The following SLC35F5 variants were observed in gnomAD, a reference collection of about 807,000 sequenced individuals.
The protein encoded by SLC35F5 is solute carrier family 35 member F5.
SLC35F5 carries 54 observed loss-of-function variants against 68.6 expected under a neutral mutation model. The observed-to-expected ratio is 0.79, with a 90% CI of 0.63 to 0.99. The LOEUF (loss-of-function observed/expected upper bound fraction) is 0.99, where lower values mean the gene tolerates loss of function less well. SLC35F5 is among the 50% of genes least tolerant of loss of function. The pLI is 0.00. For synonymous variants in SLC35F5, 211 were observed against 205.2 expected, an observed-to-expected ratio of 1.03 and a Z score of -0.24; for missense variants, 567 against 626.9, an observed-to-expected ratio of 0.90 and a Z score of 1.02.
intron 1 of SLC35F5, chr2:113,756,065 T>A: frequency 1.4e-6 from 2 of 1,459,934 alleles, no homozygotes. Flanking sequence ...AAACATCCAG[T>A]CATTTTAAAA....
chr2:113,743,787 G>T lies in SLC35F5; in HGVS notation c.488C>A (p.Pro163His). ...ATGGAATTTCACAGGCACATACAGAGGTTCACTCTGGAATGTAACAGAAAA... is the reference window on the plus strand; with the variant it reads ...ATGGAATTTCACAGGCACATACAGATGTTCACTCTGGAATGTAACAGAAAA... ...DTTMNSSLSE[P>H]LYVPVKFHDL... Residue 163 changes from proline to histidine, a missense_variant, in exon 6 of 16, where the codon CCT becomes CAT. Pro to His is a moderately conservative substitution (Grantham distance 77). Transcript: ENST00000245680. 6.2e-7 allele frequency: 1 copy of T among 1,601,012 alleles called. No individual in the cohort carries two copies.
chr2:113,752,453 T>C (rs1676783079), intron 3 of SLC35F5, among the ~76,000 whole-genome samples: 1 of 152,210 alleles, frequency 6.6e-6, no homozygotes, highest in South Asian at 2.1e-4. Flanking sequence ...ATGTATGTCA[T>C]GCTGGAATGT....
rs1173600391 is a variant in SLC35F5 at position 113,733,935 on chromosome 2, A to T, written c.920+651T>A. ...ATAAAATAAGTTTTATTAAACCAAC[A>T]CATCTTTTTTCAATACTGTCTATGG... On this transcript the variant is annotated intron_variant, in intron 9 of 15. Coordinates refer to ENST00000245680, the MANE Select transcript of SLC35F5 (RefSeq NM_025181.5). Among the ~76,000 whole-genome samples the T allele has an allele frequency of 2.6e-5, 4 of 152,232 alleles. No individual in the cohort carries two copies. The East Asian group carries it at 7.7e-4, about 29-fold the overall frequency.
intron 5 of SLC35F5, among the ~76,000 whole-genome samples, chr2:113,745,513 G>A (rs1000509265): frequency 3.3e-5 from 5 of 152,088 alleles, no homozygotes; most frequent in South Asian, 2.1e-4. Context: ...GCAAGACCAT[G>A]TTCCTAAAAA....
intron 3 of SLC35F5, among the ~76,000 whole-genome samples, chr2:113,753,626 A>G (rs1398825576): frequency 6.6e-6 from 1 of 152,198 alleles, no homozygotes; most frequent in East Asian, 1.9e-4. Flanking sequence ...CAGTTTCATC[A>G]AAGTACAACT....
At chr2:113,739,193 G>A (rs1036231001) in intron 7 of SLC35F5, among the ~76,000 whole-genome samples, 9 of 151,172 alleles carry the variant, frequency 6.0e-5, no homozygotes, top group Non-Finnish European at 1.3e-4. Context: ...AAAATCCAAA[G>A]ATGCTCAAGT....
chr2:113,704,662 A>G (rs1686763185), downstream of SLC35F5, among the ~76,000 whole-genome samples: 1 of 151,464 alleles, frequency 6.6e-6, no homozygotes, highest in Non-Finnish European at 1.5e-5. Context: ...TAAGCCCCTC[A>G]TTGCCCGGGG....
chr2:113,751,594 G>C (rs528257071), intron 3 of SLC35F5, among the ~76,000 whole-genome samples: 2 of 152,030 alleles, frequency 1.3e-5, no homozygotes, highest in South Asian at 4.1e-4. Flanking sequence ...TGGATCACTT[G>C]AAGTCAGGAG....
chr2:113,739,189 CA>C (rs952534376), intron 7 of SLC35F5, among the ~76,000 whole-genome samples: 8 of 152,072 alleles, frequency 5.3e-5, no homozygotes, highest in Non-Finnish European at 1.2e-4. Flanking sequence ...TATCAAAATC[CA>C]AAGATGCTCA....
rs754424227 is a variant in SLC35F5 at position 113,717,835 on chromosome 2, G to A, written c.1512C>T (p.Ser504=). The A allele has an allele frequency of 4.1e-5, 66 of 1,609,208 alleles. No individual in the cohort carries two copies. The highest frequency in any genetic ancestry group is 5.2e-5 in the Non-Finnish European group (61 of 1,177,870). ...KHRIQRVPED[S]EQCESLISMH... is the part of the protein sequence containing the mutation. ...TAGAAATGAGACTCTCACACTGTTCGCTGTCTTCTGGAACTCTTAAGAAAA... is the reference window on the plus strand; with the variant it reads ...TAGAAATGAGACTCTCACACTGTTCACTGTCTTCTGGAACTCTTAAGAAAA... The change falls in exon 15 of 16, where the codon AGC becomes AGT. Residue 504 remains serine, a synonymous_variant. Transcript: ENST00000245680.
intron 10 of SLC35F5, among the ~76,000 whole-genome samples, chr2:113,731,278 A>G (rs772453316): frequency 6.6e-6 from 1 of 152,192 alleles, no homozygotes; most frequent in Non-Finnish European, 1.5e-5. Flanking sequence ...GAAAAAGAAC[A>G]TTAGTGGAAA....
At chr2:113,746,153 G>T in intron 5 of SLC35F5, 124 bp downstream of exon 5, 2 of 728,906 alleles carry the variant, frequency 2.7e-6, no homozygotes, top group Non-Finnish European at 4.8e-6. Context: ...TCCTAATGAT[G>T]GGCACCCAAT....
chr2:113,706,004 G>T (rs1686789918), downstream of SLC35F5, among the ~76,000 whole-genome samples: 1 of 152,202 alleles, frequency 6.6e-6, no homozygotes, highest in Non-Finnish European at 1.5e-5. Flanking sequence ...ACTTTCTGGA[G>T]TGGACTTGAC....
chr2:113,719,025 G>T, intron 14 of SLC35F5, 129 bp downstream of exon 14: 1 of 729,120 alleles, frequency 1.4e-6, no homozygotes, highest in Non-Finnish European at 2.1e-6. Context: ...ATTTTCATCT[G>T]CCGTAACATA....
chr2:113,708,896 G>T lies in SLC35F5; in HGVS notation c.*6322C>A, dbSNP rs576632654. ...GGTAACCAGGGGGCAACAGAGTAGGGACTAATAAGGCCAGCAACTCAGGGA... is the reference window on the plus strand; with the variant it reads ...GGTAACCAGGGGGCAACAGAGTAGGTACTAATAAGGCCAGCAACTCAGGGA... On this transcript the variant is annotated 3_prime_UTR_variant, in exon 16 of 16. Coordinates refer to ENST00000245680, the MANE Select transcript of SLC35F5 (RefSeq NM_025181.5). Among the ~76,000 whole-genome samples, 552 of 152,238 alleles carry T rather than the reference G, an allele frequency of 3.6e-3. No individual in the cohort carries two copies. The highest frequency in any genetic ancestry group is 6.7e-3 in the Non-Finnish European group (456 of 68,020).
intron 7 of SLC35F5, among the ~76,000 whole-genome samples, chr2:113,741,636 G>A (rs758068553): frequency 1.3e-5 from 2 of 151,322 alleles, no homozygotes; most frequent in African/African-American, 2.4e-5. Flanking sequence ...AGGAGGCAGA[G>A]GTTGTGGTGA....
intron 5 of SLC35F5, among the ~76,000 whole-genome samples, chr2:113,745,942 G>T (rs931828683): frequency 2.6e-5 from 4 of 152,054 alleles, no homozygotes; most frequent in African/African-American, 9.7e-5. Flanking sequence ...TGCCTATATA[G>T]TCTCAGTGTC....
At chr2:113,719,567 C>T (rs977660415) in intron 13 of SLC35F5, 5 of 293,996 alleles carry the variant, frequency 1.7e-5, no homozygotes, top group South Asian at 6.8e-5. Flanking sequence ...AGAAAGCATA[C>T]TTTCCATTTA....
chr2:113,739,535 G>T (rs1688212394), intron 7 of SLC35F5, among the ~76,000 whole-genome samples: 1 of 152,092 alleles, frequency 6.6e-6, no homozygotes, highest in Non-Finnish European at 1.5e-5. Flanking sequence ...TAAATCAAAA[G>T]AAAATCTTTG....
Sources: allele counts gnomAD v4.1 joint callset (sites outside exome capture counted in the v4.1 genomes callset), GRCh38; gene constraint gnomAD v4.1.1; transcripts MANE v1.5; gene names NCBI Gene and HGNC (gene_info 2026-07-23, HGNC 2026-07-21).